Variants in FOXK2 observed in about 807,000 individuals in gnomAD.
FOXK2 encodes forkhead box K2.
FOXK2 carries 24 observed loss-of-function variants against 53.3 expected under a neutral mutation model. The ratio of observed to expected loss-of-function variants is 0.45; its 90% CI spans 0.33 to 0.63. The LOEUF (loss-of-function observed/expected upper bound fraction) is 0.63. FOXK2 is among the 30% of genes least tolerant of loss of function. The pLI, the probability that FOXK2 is intolerant of heterozygous loss-of-function variation, is 0.03. For synonymous variants in FOXK2, 505 were observed against 407.1 expected (o/e 1.24, Z -2.89); for missense variants, 952 against 910.5 (o/e 1.05, Z -0.59).
chr17:82,591,166 T>C (rs1008463250), intron 8 of FOXK2, among the ~76,000 whole-genome samples: 2 of 152,012 alleles, frequency 1.3e-5, no homozygotes, highest in Non-Finnish European at 2.9e-5. Flanking sequence ...GGATGATAGG[T>C]GAGTTCCGTG....
intron 1 of FOXK2, 78 bp downstream of exon 1, chr17:82,520,385 G>C (rs1222395609): frequency 1.7e-6 from 2 of 1,154,160 alleles, no homozygotes; most frequent in Non-Finnish European, 2.2e-6. Context: ...ACGCGCCCAG[G>C]CCCGGGACCA....
chr17:82,593,445 G>A (rs1453581226), intron 8 of FOXK2: 3 of 152,536 alleles, frequency 2.0e-5, no homozygotes, highest in African/African-American at 7.2e-5. Context: ...CGCCCCCCTG[G>A]CGGAGCCCAG....
intron 8 of FOXK2, among the ~76,000 whole-genome samples, chr17:82,588,904 A>G (rs988786665): frequency 1.5e-5 from 2 of 130,494 alleles, no homozygotes; most frequent in Admixed American, 7.5e-5. Flanking sequence ...AAAAAAAAAA[A>G]ACAAATTAGC....
chr17:82,573,328 C>T (rs920569369), intron 4 of FOXK2, among the ~76,000 whole-genome samples: 1 of 152,068 alleles, frequency 6.6e-6, no homozygotes, highest in Admixed American at 6.6e-5. Context: ...CCCCCCATAC[C>T]TGGAGTGTCT....
At chr17:82,534,960 A>G (rs1599881284) in intron 1 of FOXK2, among the ~76,000 whole-genome samples, 1 of 152,112 alleles carries the variant, frequency 6.6e-6, no homozygotes, top group African/African-American at 2.4e-5. Flanking sequence ...GCTCACTGCA[A>G]CCTCCACCTC....
chr17:82,532,520 T>C (rs1350714790), intron 1 of FOXK2, among the ~76,000 whole-genome samples: 6 of 147,190 alleles, frequency 4.1e-5, no homozygotes, highest in Non-Finnish European at 3.0e-5. Flanking sequence ...TAACATACTA[T>C]AATTTTTTTT....
intron 8 of FOXK2, chr17:82,599,188 C>T (rs990534761): frequency 2.0e-5 from 3 of 151,594 alleles, no homozygotes; most frequent in African/African-American, 7.3e-5. Flanking sequence ...GCCTCCGCCT[C>T]CTGGGTTCAA....
At chr17:82,532,336 G>T (rs1045229006) in intron 1 of FOXK2, among the ~76,000 whole-genome samples, 1 of 151,930 alleles carries the variant, frequency 6.6e-6, no homozygotes, top group Non-Finnish European at 1.5e-5. Context: ...TGGAGACGGG[G>T]TTTCACCATG....
In FOXK2 at chr17:82,586,304, CCGGGGGGG is replaced by C. The variant is rs1567985103; in HGVS notation, c.1576+105_1576+112del. 2.0e-3 allele frequency: 232 copies of C among 115,990 alleles called. 26 individuals are homozygous for C. Among genetic ancestry groups the C allele is most frequent in the South Asian group, 0.015 (133 of 8,880 alleles). The allele number at this position is 115,990 out of a possible 1,614,324, so 7.2% of individuals were successfully genotyped here. A position where few individuals can be genotyped will look rare whatever the true frequency, so the allele number is the denominator to read the frequency against. On this transcript the variant is annotated intron_variant, in intron 7 of 8. Transcript: ENST00000335255. ...AGACCACAGGGAGGTCAAAGGTGGG[CCGGGGGGG>C]AAAGGAGGAGAGGGGAGACCACAGG...
At chr17:82,593,478 G>C (rs935928204) in intron 8 of FOXK2, 1 of 152,440 alleles carries the variant, frequency 6.6e-6, no homozygotes, top group African/African-American at 2.4e-5. Context: ...CGTGCTGTGC[G>C]GGTGCCTGTG....
rs1004575543 is a variant in FOXK2, at chr17:82,554,691, C to G, written c.420-8663C>G. ...GACGTCTCAGGCTTGTAAACAGATT[C>G]CTAGTCTATACTGAGCTTCATTACA... On this transcript the variant is annotated intron_variant, in intron 1 of 8. Transcript: ENST00000335255. 2.1e-4 allele frequency among the ~76,000 whole-genome samples: 32 copies of G among 152,006 alleles called. 1 individual carries two copies. The highest frequency in any genetic ancestry group is 6.2e-4 in the South Asian group (3 of 4,822).
At chr17:82,528,715 C>T (rs2044443115) in intron 1 of FOXK2, among the ~76,000 whole-genome samples, 2 of 152,230 alleles carry the variant, frequency 1.3e-5, no homozygotes, top group African/African-American at 4.8e-5. Flanking sequence ...TTTCCTCGTG[C>T]ACGTCAGTTT....
intron 1 of FOXK2, among the ~76,000 whole-genome samples, chr17:82,533,805 G>A (rs935412003): frequency 6.6e-6 from 1 of 150,868 alleles, no homozygotes; most frequent in Non-Finnish European, 1.5e-5. Flanking sequence ...TTAGCCGGGC[G>A]TGGTGACGCA....
chr17:82,573,222 G>A (rs560207743), intron 4 of FOXK2, among the ~76,000 whole-genome samples: 22 of 151,966 alleles, frequency 1.4e-4, no homozygotes, highest in Admixed American at 4.6e-4. Flanking sequence ...TACCAGCCAC[G>A]TCTTCCATAT....
rs1048737931 is a variant in FOXK2 at position 82,519,961 on chromosome 17, G to T, written c.73G>T (p.Ala25Ser). 81 of 975,398 alleles carry T rather than the reference G, an allele frequency of 8.3e-5. No homozygotes were observed. Among genetic ancestry groups the T allele is most frequent in the Admixed American group, 2.2e-4 (4 of 18,076 alleles). 60.4% of individuals were successfully genotyped at this position (975,398 alleles called of 1,614,324 possible). Residue 25 changes from alanine (A) to serine (S), a missense_variant, in exon 1 of 9, where the codon GCC becomes TCC. By Grantham distance (99) the Ala-to-Ser change is moderately conservative (BLOSUM62 1). Around this residue, in one of 5 missense-constraint regions of FOXK2, gnomAD observed 163 missense variants for 165.5 expected, o/e 0.98. Transcript: ENST00000335255. ...GGGCGGCGGGGCCGGGGGCGGCGGGGCCGGGGGCGGCGGGTCCCCGCCGGG... is the reference window on the plus strand; with the variant it reads ...GGGCGGCGGGGCCGGGGGCGGCGGGTCCGGGGGCGGCGGGTCCCCGCCGGG... ...PAGGGAGGGG[A>S]GGGGSPPGGW...
At chr17:82,531,445 A>G (rs1464287498) in intron 1 of FOXK2, among the ~76,000 whole-genome samples, 1 of 152,180 alleles carries the variant, frequency 6.6e-6, no homozygotes, top group African/African-American at 2.4e-5. Context: ...GCATCACTTA[A>G]CTGTGGAAAT....
At chr17:82,585,814 T>C (rs1024727417) in intron 6 of FOXK2, 90 bp from the exon 7 acceptor site, 22 of 1,311,392 alleles carry the variant, frequency 1.7e-5, no homozygotes, top group Non-Finnish European at 2.3e-5. Flanking sequence ...AAATTAAAGT[T>C]TGTATGTTGC....
At chr17:82,562,162 T>C (rs1221640277) in intron 1 of FOXK2, among the ~76,000 whole-genome samples, 1 of 152,240 alleles carries the variant, frequency 6.6e-6, no homozygotes, top group African/African-American at 2.4e-5. Flanking sequence ...ACTTGAATCA[T>C]GTCAAGGAAG....
chr17:82,535,748 G>GT (rs138654812), intron 1 of FOXK2, among the ~76,000 whole-genome samples: 51,153 of 139,442 alleles, frequency 0.37, 9,866 homozygotes, highest in South Asian at 0.46. Flanking sequence ...GTGTGTTTTT[G>GT]TTTTTGTTTT....
Sources: allele counts gnomAD v4.1 joint callset (sites outside exome capture counted in the v4.1 genomes callset), GRCh38; gene constraint gnomAD v4.1.1; regional missense constraint gnomAD v4.1.1; transcripts MANE v1.5; gene names NCBI Gene and HGNC (gene_info 2026-07-23, HGNC 2026-07-21).